Variants in LRP1B observed in about 807,000 individuals in gnomAD.
LRP1B encodes the protein LDL receptor related protein 1B, also known as low-density lipoprotein receptor-related protein 1B.
A neutral mutation model predicts 556.6 loss-of-function variants in LRP1B; 217 were observed. That is an observed-to-expected ratio of 0.39 (90% CI 0.35 to 0.44). LRP1B has a LOEUF of 0.44. Ranked by LOEUF, LRP1B falls within the 20% of genes least tolerant of loss-of-function variation. LRP1B has a pLI of 1.00. For missense variants in LRP1B, 5,053 were observed against 5,620.8 expected (o/e 0.90, Z 3.23); for synonymous variants, 2,047 against 1,865.8 (o/e 1.10, Z -2.50).
At chr2:140,799,947 G>T (rs1204804346) in intron 32 of LRP1B, among the ~76,000 whole-genome samples, 2 of 152,148 alleles carry the variant, frequency 1.3e-5, no homozygotes. Flanking sequence ...ATGAGCTGAA[G>T]CAGGGTGAGG....
At chr2:140,483,983 T>C (rs1247218949) in intron 59 of LRP1B, among the ~76,000 whole-genome samples, 1 of 152,044 alleles carries the variant, frequency 6.6e-6, no homozygotes, top group East Asian at 1.9e-4. Context: ...ATCCAAGAAA[T>C]TGAAATATTC....
At chr2:141,462,764 C>T (rs987567613) in intron 3 of LRP1B, among the ~76,000 whole-genome samples, 2 of 152,096 alleles carry the variant, frequency 1.3e-5, no homozygotes, top group Admixed American at 6.6e-5. Flanking sequence ...TTTCTATACG[C>T]TGTCTTATTG....
rs929375346 is a variant in LRP1B, at chr2:141,137,027, T to C, written c.1013+51394A>G. Among the ~76,000 whole-genome samples, 7 of 127,200 alleles carry C rather than the reference T, an allele frequency of 5.5e-5. 1 individual carries two copies. The highest frequency in any genetic ancestry group is 3.7e-4 in the Admixed American group (5 of 13,664). The allele number at this position is 127,200 out of a possible 152,430, so 83.4% of individuals were successfully genotyped here. A position where few individuals can be genotyped will look rare whatever the true frequency, so the allele number is the denominator to read the frequency against. ...TGATTCTAACAAAATGTGCAGTCTT[T>C]CATTATTCGAAAAAAAGTCTATTAT... On this transcript the variant is annotated intron_variant, in intron 7 of 90. Coordinates refer to ENST00000389484, the MANE Select transcript of LRP1B (RefSeq NM_018557.3).
intron 66 of LRP1B, among the ~76,000 whole-genome samples, chr2:140,415,322 G>A (rs746918070): frequency 1.4e-4 from 22 of 152,056 alleles, no homozygotes; most frequent in Non-Finnish European, 2.6e-4. Context: ...TCAGAAGCAC[G>A]TGATCTTTGT....
chr2:141,095,489 TA>T (rs1332149401), intron 7 of LRP1B, among the ~76,000 whole-genome samples: 3 of 48,828 alleles, frequency 6.1e-5, no homozygotes, highest in African/African-American at 9.7e-5. Flanking sequence ...CCCTAGAATT[TA>T]ATTTTTTTTT....
chr2:140,397,113 T>C (rs1380472633), intron 66 of LRP1B, among the ~76,000 whole-genome samples: 1 of 152,174 alleles, frequency 6.6e-6, no homozygotes, highest in Non-Finnish European at 1.5e-5. Flanking sequence ...AACAAAAATA[T>C]GCTTGATTTT....
intron 16 of LRP1B, chr2:140,992,666 TAATA>T (rs1697126986): frequency 1.3e-5 from 2 of 152,038 alleles, no homozygotes; most frequent in Non-Finnish European, 2.9e-5. Context: ...TTAAAAGTAA[TAATA>T]AATAAATAAC....
At chr2:141,466,074 A>G (rs1438995528) in intron 3 of LRP1B, among the ~76,000 whole-genome samples, 1 of 151,590 alleles carries the variant, frequency 6.6e-6, no homozygotes, top group East Asian at 2.0e-4. Flanking sequence ...TTTTTGGTAG[A>G]GATGGGGTTT....
intron 1 of LRP1B, among the ~76,000 whole-genome samples, chr2:142,082,225 C>T (rs1705745396): frequency 6.6e-6 from 1 of 152,064 alleles, no homozygotes; most frequent in African/African-American, 2.4e-5. Context: ...TCAAGAATGC[C>T]TGAATTACTT....
At chr2:140,616,728 G>T (rs956222777) in intron 41 of LRP1B, among the ~76,000 whole-genome samples, 1 of 151,724 alleles carries the variant, frequency 6.6e-6, no homozygotes, top group African/African-American at 2.4e-5. Flanking sequence ...TTTTAAATAT[G>T]CTGACAGAAA....
intron 1 of LRP1B, among the ~76,000 whole-genome samples, chr2:141,929,659 A>G (rs1445007723): frequency 1.3e-5 from 2 of 152,048 alleles, no homozygotes; most frequent in African/African-American, 2.4e-5. Flanking sequence ...TGGAAGTAAA[A>G]TGCTATAAAC....
At chr2:141,508,138 T>C (rs1461991143) in intron 2 of LRP1B, among the ~76,000 whole-genome samples, 1 of 151,686 alleles carries the variant, frequency 6.6e-6, no homozygotes, top group Non-Finnish European at 1.5e-5. Context: ...GCTCTAATTG[T>C]CTTTGGAATG....
chr2:141,975,876 C>A (rs1055929009), intron 1 of LRP1B, among the ~76,000 whole-genome samples: 6 of 151,936 alleles, frequency 3.9e-5, no homozygotes, highest in Non-Finnish European at 5.9e-5. Flanking sequence ...ATTTTTATTC[C>A]CTTCTCAGTG....
chr2:141,662,535 T>G (rs147653489), intron 2 of LRP1B, among the ~76,000 whole-genome samples: 236 of 151,894 alleles, frequency 1.6e-3, no homozygotes, highest in African/African-American at 5.5e-3. Context: ...GCAATCCTAG[T>G]TTCTGACAAA....
chr2:141,229,473 A>T (rs760564499), intron 5 of LRP1B, 33 bp from the exon 6 acceptor site: 2 of 1,425,836 alleles, frequency 1.4e-6, no homozygotes, highest in Non-Finnish European at 1.9e-6. Flanking sequence ...AAGTAAATTC[A>T]GTAAGAGTCA....
intron 6 of LRP1B, among the ~76,000 whole-genome samples, chr2:141,189,024 A>G (rs1355091001): frequency 1.3e-5 from 2 of 152,002 alleles, no homozygotes; most frequent in Non-Finnish European, 2.9e-5. Flanking sequence ...AAAGAAGGAA[A>G]GGGTGGAGAA....
intron 7 of LRP1B, among the ~76,000 whole-genome samples, chr2:141,064,321 T>C (rs1040619262): frequency 3.3e-5 from 5 of 151,952 alleles, no homozygotes; most frequent in African/African-American, 1.2e-4. Context: ...TTGGGAAGTT[T>C]AGTTATGGAG....
At chr2:140,766,620 C>CTGATGA (rs145590728) in intron 35 of LRP1B, among the ~76,000 whole-genome samples, 62,846 of 148,874 alleles carry the variant, frequency 0.42, 14,570 homozygotes, top group East Asian at 0.57. Context: ...GCTCTACAGA[C>CTGATGA]TGATGATGAT....
rs2105428684 is a variant in LRP1B, at chr2:140,702,229, C to T, written c.6214G>A (p.Gly2072Arg). The change falls in exon 39 of 91, where the codon GGA becomes AGA. Residue 2072 changes from glycine to arginine, a missense_variant. Around this residue, in one of 5 missense-constraint regions of LRP1B, gnomAD observed 3,619 missense variants for 3,931.9 expected, o/e 0.92. Transcript: ENST00000389484. ...GACAGCACCATCTCGCGATTCCCTC[C>T]AGTCTCAAGGTCGATTCTCTCTATC... ...DKIERIDLET[G>R]GNREMVLSGS... The T allele has an allele frequency of 6.2e-7, 1 of 1,613,772 alleles. No individual in the cohort carries two copies. The highest frequency in any genetic ancestry group is 8.5e-7 in the Non-Finnish European group (1 of 1,179,796).
Sources: allele counts gnomAD v4.1 joint callset (sites outside exome capture counted in the v4.1 genomes callset), GRCh38; gene constraint gnomAD v4.1.1; regional missense constraint gnomAD v4.1.1; transcripts MANE v1.5; gene names NCBI Gene and HGNC (gene_info 2026-07-23, HGNC 2026-07-21).